Variants in RALGAPA2 observed in about 807,000 individuals in gnomAD.
RALGAPA2 encodes the protein ral GTPase-activating protein subunit alpha-2.
In RALGAPA2, 139 loss-of-function variants were observed where a neutral mutation model predicts 230.4. That is an observed-to-expected ratio of 0.60 (90% CI 0.53 to 0.69). The LOEUF (loss-of-function observed/expected upper bound fraction) is 0.69, where lower values mean the gene tolerates loss of function less well. RALGAPA2 is among the 30% of genes least tolerant of loss of function. The pLI is 0.00. For synonymous variants in RALGAPA2, 847 were observed against 837.8 expected (o/e 1.01, Z -0.19); for missense variants, 2,163 against 2,276.0 (o/e 0.95, Z 1.01).
At chr20:20,470,998 A>G (rs2061527825) in intron 37 of RALGAPA2, 1 of 152,238 alleles carries the variant, frequency 6.6e-6, no homozygotes, top group African/African-American at 2.4e-5. Context: ...AAGACAAAAA[A>G]AAGTTTAAAA....
intron 37 of RALGAPA2, among the ~76,000 whole-genome samples, chr20:20,458,851 T>TAGACCTATATATATATAG (rs2061228350): frequency 7.5e-6 from 1 of 133,408 alleles, no homozygotes; most frequent in African/African-American, 3.0e-5. Flanking sequence ...TATATATATA[T>TAGACCTATATATATATAG]AGACCTATAT....
chr20:20,478,684 GA>G (rs1192034890), intron 36 of RALGAPA2, among the ~76,000 whole-genome samples: 1 of 151,998 alleles, frequency 6.6e-6, no homozygotes, highest in Non-Finnish European at 1.5e-5. Flanking sequence ...GGCAACAACA[GA>G]AACTGGGAAC....
chr20:20,547,824 T>C (rs181123214), intron 23 of RALGAPA2, among the ~76,000 whole-genome samples: 10 of 152,282 alleles, frequency 6.6e-5, no homozygotes, highest in South Asian at 2.1e-4. Flanking sequence ...GTGAACATCA[T>C]AGAGTGACTT....
At chr20:20,483,641 G>A (rs2061835190) in intron 36 of RALGAPA2, among the ~76,000 whole-genome samples, 1 of 152,170 alleles carries the variant, frequency 6.6e-6, no homozygotes, top group Non-Finnish European at 1.5e-5. Context: ...CTGACCTCAT[G>A]CATCAGGGAA....
intron 19 of RALGAPA2, among the ~76,000 whole-genome samples, chr20:20,584,610 T>C (rs2065079018): frequency 6.6e-6 from 1 of 152,054 alleles, no homozygotes; most frequent in South Asian, 2.1e-4. Flanking sequence ...CAAAACCTCA[T>C]CTCTATAAAA....
rs1035456524 is a variant in RALGAPA2, at chr20:20,583,157, T to C, written c.2600A>G (p.Gln867Arg). 2 of 1,613,750 alleles carry C rather than the reference T, an allele frequency of 1.2e-6. No individual in the cohort carries two copies. The highest frequency in any genetic ancestry group is 1.7e-5 in the Admixed American group (1 of 59,978). The change falls in exon 20 of 40, where the codon CAG becomes CGG. Residue 867 changes from glutamine to arginine, a missense_variant. By Grantham distance (43) the Gln-to-Arg change is conservative (BLOSUM62 1). Transcript: ENST00000202677. ...CAGTTCTGGGTCTTCCTCACAGGTCTGCCATGGGCCCATGGACAGCTCTGC... is the reference window on the plus strand; with the variant it reads ...CAGTTCTGGGTCTTCCTCACAGGTCCGCCATGGGCCCATGGACAGCTCTGC... Reference protein sequence around the residue: ...NEAELSMGPWQTCEEDPELNT... With the variant: ...NEAELSMGPWRTCEEDPELNT...
At chr20:20,585,817 T>C (rs777469485) in intron 18 of RALGAPA2, among the ~76,000 whole-genome samples, 28 of 152,014 alleles carry the variant, frequency 1.8e-4, no homozygotes, top group Admixed American at 6.6e-4. Flanking sequence ...AAGACACAGC[T>C]GCCAGTGGGC....
At chr20:20,488,031 C>T (rs757846609) in intron 36 of RALGAPA2, among the ~76,000 whole-genome samples, 32 of 152,182 alleles carry the variant, frequency 2.1e-4, no homozygotes, top group Non-Finnish European at 3.7e-4. Flanking sequence ...TGCCCCACCC[C>T]TGTGCATGCC....
At chr20:20,709,598 G>A (rs534059329) in intron 1 of RALGAPA2, among the ~76,000 whole-genome samples, 1 of 152,286 alleles carries the variant, frequency 6.6e-6, no homozygotes, top group South Asian at 2.1e-4. Context: ...GGACCTAACA[G>A]CTCTTCGTTC....
At chr20:20,659,806 G>T in intron 3 of RALGAPA2, 1 of 869,316 alleles carries the variant, frequency 1.2e-6, no homozygotes, top group South Asian at 1.3e-5. Context: ...GGAAAAAACA[G>T]AACAAGACAA....
intron 27 of RALGAPA2, among the ~76,000 whole-genome samples, chr20:20,528,045 G>C (rs2063265703): frequency 6.6e-6 from 1 of 152,154 alleles, no homozygotes; most frequent in Admixed American, 6.5e-5. Flanking sequence ...TGGAGGGAGA[G>C]GAGAGCTAAG....
At chr20:20,493,114 C>A (rs774192450) in intron 36 of RALGAPA2, among the ~76,000 whole-genome samples, 4 of 152,180 alleles carry the variant, frequency 2.6e-5, no homozygotes, top group Non-Finnish European at 5.9e-5. Context: ...GAGAGGACAG[C>A]CTTTTCATTT....
At chr20:20,688,905 C>T (rs897094066) in intron 1 of RALGAPA2, among the ~76,000 whole-genome samples, 1 of 152,070 alleles carries the variant, frequency 6.6e-6, no homozygotes, top group Admixed American at 6.5e-5. Flanking sequence ...GGACTACTAC[C>T]CTAGATACAG....
chr20:20,552,099 A>G (rs777246373), intron 23 of RALGAPA2, among the ~76,000 whole-genome samples: 1 of 152,232 alleles, frequency 6.6e-6, no homozygotes, highest in Non-Finnish European at 1.5e-5. Context: ...AGCATTCTAT[A>G]AAACACAAAT....
Position 20,583,236 on chromosome 20 carries a change from TG to T in RALGAPA2, c.2531-11del, listed in dbSNP as rs752765110. ...CTGTTGGTACTTTCACCTGGTACAATGGAAGAACCAAAGTTTAAGATAAAAA... is the reference window on the plus strand; with the variant it reads ...CTGTTGGTACTTTCACCTGGTACAATGAAGAACCAAAGTTTAAGATAAAAA... On this transcript the variant is annotated splice_polypyrimidine_tract_variant and intron_variant, in intron 19 of 39. Coordinates refer to ENST00000202677, the MANE Select transcript of RALGAPA2 (RefSeq NM_020343.4). The T allele has an allele frequency of 6.3e-7, 1 of 1,581,098 alleles. No homozygotes were observed. The highest frequency in any genetic ancestry group is 2.3e-5 in the East Asian group (1 of 44,292).
At chr20:20,624,006 T>A (rs1197002218) in intron 10 of RALGAPA2, among the ~76,000 whole-genome samples, 1 of 152,192 alleles carries the variant, frequency 6.6e-6, no homozygotes, top group Non-Finnish European at 1.5e-5. Context: ...AAGATCATTA[T>A]ACCCAGCTAA....
chr20:20,534,317 C>G (rs188121398), intron 26 of RALGAPA2, among the ~76,000 whole-genome samples: 6 of 151,710 alleles, frequency 4.0e-5, no homozygotes, highest in Non-Finnish European at 8.8e-5. Flanking sequence ...TGGTGGCAGG[C>G]GCCTGTAGTC....
chr20:20,497,930 A>C (rs1402516022), intron 35 of RALGAPA2, among the ~76,000 whole-genome samples: 1 of 152,258 alleles, frequency 6.6e-6, no homozygotes, highest in Non-Finnish European at 1.5e-5. Flanking sequence ...CTAAAAGCTA[A>C]GGCCATGGGA....
At chr20:20,681,353 T>A (rs531937704) in intron 1 of RALGAPA2, among the ~76,000 whole-genome samples, 3 of 152,262 alleles carry the variant, frequency 2.0e-5, no homozygotes, top group Admixed American at 1.3e-4. Context: ...CTGCCCCCAC[T>A]CATGTATGGA....
Sources: gnomAD v4.1 joint callset for allele counts (sites outside exome capture counted in the v4.1 genomes callset) on GRCh38, gnomAD v4.1.1 for gene constraint, MANE v1.5 for transcripts, NCBI Gene and HGNC (gene_info 2026-07-23, HGNC 2026-07-21) for gene names.